The following CTDSPL2 variants were observed in gnomAD, a reference collection of about 807,000 sequenced individuals.
The protein encoded by CTDSPL2 is CTD small phosphatase-like protein 2.
A neutral mutation model predicts 60.0 loss-of-function variants in CTDSPL2; 5 were observed. The ratio of observed to expected loss-of-function variants is 0.08; its 90% CI spans 0.04 to 0.18. The LOEUF (loss-of-function observed/expected upper bound fraction) is 0.18, where lower values mean the gene tolerates loss of function less well. CTDSPL2 is among the 10% of genes least tolerant of loss of function. The probability of loss-of-function intolerance (pLI) is 1.00; values close to 1 mark genes in which losing one functional copy is unlikely to be tolerated. For synonymous variants in CTDSPL2, 186 were observed against 189.3 expected (o/e 0.98, Z 0.14); for missense variants, 370 against 548.8 (o/e 0.67, Z 3.26).
intron 1 of CTDSPL2, chr15:44,448,773 A>C (rs1375262327): frequency 2.8e-6 from 1 of 352,644 alleles, no homozygotes; most frequent in Non-Finnish European, 5.5e-6. Flanking sequence ...TTCCAATACC[A>C]CCAAGGCCAT....
intron 12 of CTDSPL2, among the ~76,000 whole-genome samples, chr15:44,522,878 A>T (rs2081805898): frequency 6.6e-6 from 1 of 152,202 alleles, no homozygotes; most frequent in Admixed American, 6.5e-5. Flanking sequence ...CACATGGAAC[A>T]CTTAGCTTTA....
chr15:44,453,532 G>A (rs1025514044), intron 1 of CTDSPL2, among the ~76,000 whole-genome samples: 2 of 151,612 alleles, frequency 1.3e-5, no homozygotes, highest in African/African-American at 2.4e-5. Context: ...CCATTAACTC[G>A]TTATTTACAC....
chr15:44,442,108 A>G (rs942934865), intron 1 of CTDSPL2, among the ~76,000 whole-genome samples: 1 of 152,096 alleles, frequency 6.6e-6, no homozygotes, highest in Non-Finnish European at 1.5e-5. Flanking sequence ...GTCTCCTCTC[A>G]ACCTTGCTTA....
intron 8 of CTDSPL2, among the ~76,000 whole-genome samples, chr15:44,504,301 G>A: frequency 6.6e-6 from 1 of 152,052 alleles, no homozygotes; most frequent in Non-Finnish European, 1.5e-5. Flanking sequence ...AGTGAGCCAA[G>A]ATTGCGCCAC....
intron 8 of CTDSPL2, among the ~76,000 whole-genome samples, chr15:44,504,845 G>A (rs1286191989): frequency 6.6e-6 from 1 of 152,178 alleles, no homozygotes; most frequent in African/African-American, 2.4e-5. Context: ...GCATAGTATA[G>A]AGGATAAAAC....
intron 8 of CTDSPL2, chr15:44,502,081 C>T (rs542314482): frequency 7.3e-6 from 3 of 410,954 alleles, no homozygotes; most frequent in South Asian, 3.7e-5. Flanking sequence ...AACCACTGTA[C>T]TATGATGTGG....
At chr15:44,455,559 G>A (rs1474156742) in intron 1 of CTDSPL2, among the ~76,000 whole-genome samples, 3 of 152,132 alleles carry the variant, frequency 2.0e-5, no homozygotes, top group Non-Finnish European at 4.4e-5. Context: ...CTGTGGGTTT[G>A]TCATAAATAG....
At chr15:44,516,127 T>G (rs1464531572) in intron 10 of CTDSPL2, among the ~76,000 whole-genome samples, 2 of 151,736 alleles carry the variant, frequency 1.3e-5, no homozygotes, top group Admixed American at 6.6e-5. Context: ...CCACCACACC[T>G]GGCTAATTTT....
chr15:44,435,941 T>TTA (rs2079972875), intron 1 of CTDSPL2, among the ~76,000 whole-genome samples: 1 of 152,136 alleles, frequency 6.6e-6, no homozygotes, highest in Non-Finnish European at 1.5e-5. Flanking sequence ...CTATACTTAG[T>TTA]CCTTCTTCCC....
intron 1 of CTDSPL2, among the ~76,000 whole-genome samples, chr15:44,453,675 A>G (rs572490714): frequency 5.4e-5 from 8 of 148,310 alleles, no homozygotes; most frequent in Non-Finnish European, 7.4e-5. Flanking sequence ...AACATGCGGT[A>G]TTTGGTTTTT....
At chr15:44,455,475 G>A (rs2080415571) in intron 1 of CTDSPL2, among the ~76,000 whole-genome samples, 1 of 152,178 alleles carries the variant, frequency 6.6e-6, no homozygotes, top group African/African-American at 2.4e-5. Context: ...GGAGTGGTGA[G>A]AGAGGGCATC....
chr15:44,454,291 AGTTT>A (rs1482186639), intron 1 of CTDSPL2, among the ~76,000 whole-genome samples: 3 of 151,822 alleles, frequency 2.0e-5, no homozygotes, highest in African/African-American at 7.3e-5. Flanking sequence ...TTTTCTTGTA[AGTTT>A]GTTTGAGTTC....
chr15:44,513,451 G>C (rs2081599840), intron 8 of CTDSPL2, among the ~76,000 whole-genome samples: 1 of 152,204 alleles, frequency 6.6e-6, no homozygotes, highest in African/African-American at 2.4e-5. Flanking sequence ...TGGGCCGTAA[G>C]AGTGAAACTC....
At chr15:44,439,080 C>T (rs1231214660) in intron 1 of CTDSPL2, among the ~76,000 whole-genome samples, 1 of 151,732 alleles carries the variant, frequency 6.6e-6, no homozygotes, top group Non-Finnish European at 1.5e-5. Context: ...CATTTTCATT[C>T]ACAGATTTCT....
At position 44,526,808 on chromosome 15, in the gene CTDSPL2, A is replaced by G. The variant is rs773222414; in HGVS notation, c.*2634A>G. On this transcript the variant is annotated 3_prime_UTR_variant, in exon 13 of 13. Coordinates refer to ENST00000260327, the MANE Select transcript of CTDSPL2 (RefSeq NM_016396.3). The stretch of plus-strand genomic sequence containing the variant: ...AGCCCCTTCAGCTCACACAGGAAAC[A>G]TGAACTCTTAAAAAACTGACTAGTA... 1.3e-5 allele frequency: 2 copies of G among 152,380 alleles called. No homozygotes were observed. The highest frequency in any genetic ancestry group is 2.4e-5 in the African/African-American group (1 of 41,448). The allele number at this position is 152,380 out of a possible 1,614,324, so 9.4% of individuals were successfully genotyped here.
chr15:44,440,656 T>A (rs537741940), intron 1 of CTDSPL2, among the ~76,000 whole-genome samples: 2 of 151,684 alleles, frequency 1.3e-5, no homozygotes, highest in South Asian at 2.1e-4. Flanking sequence ...TTCTGGTTTT[T>A]AAATTTTTTT....
At chr15:44,481,004 A>G in intron 2 of CTDSPL2, among the ~76,000 whole-genome samples, 1 of 152,080 alleles carries the variant, frequency 6.6e-6, no homozygotes, top group East Asian at 1.9e-4. Flanking sequence ...TTGAATGTTC[A>G]CAGAAGACTA....
chr15:44,462,700 C>CTTT (rs554319789), intron 2 of CTDSPL2, among the ~76,000 whole-genome samples: 164 of 83,722 alleles, frequency 2.0e-3, no homozygotes, highest in Non-Finnish European at 2.4e-3. Context: ...ACACTCAGGA[C>CTTT]TTTTTTTTTT....
intron 5 of CTDSPL2, among the ~76,000 whole-genome samples, chr15:44,495,496 C>T (rs577518140): frequency 6.7e-6 from 1 of 150,340 alleles, no homozygotes; most frequent in East Asian, 2.0e-4. Flanking sequence ...CTGCAGTGAG[C>T]CAAGATCACG....
Sources: allele counts gnomAD v4.1 joint callset (sites outside exome capture counted in the v4.1 genomes callset), GRCh38; gene constraint gnomAD v4.1.1; transcripts MANE v1.5; gene names NCBI Gene and HGNC (gene_info 2026-07-23, HGNC 2026-07-21).